OVCH1: variants seen among roughly 807,000 people sequenced by gnomAD.
The protein encoded by OVCH1 is ovochymase-1.
OVCH1 carries 139 observed loss-of-function variants against 138.4 expected under a neutral mutation model. That is an observed-to-expected ratio of 1.00 (90% CI 0.87 to 1.16). The LOEUF (loss-of-function observed/expected upper bound fraction) is 1.16, where lower values mean the gene tolerates loss of function less well. Ranked by LOEUF, OVCH1 falls within the 50% of genes most tolerant of loss-of-function variation. OVCH1 has a pLI of 0.00. For missense variants in OVCH1, 1,367 were observed against 1,357.9 expected (o/e 1.01, Z -0.11); for synonymous variants, 453 against 467.8 (o/e 0.97, Z 0.41).
At chr12:29,487,927 G>A in intron 6 of OVCH1, 45 bp from the exon 7 acceptor site, 1 of 1,522,956 alleles carries the variant, frequency 6.6e-7, no homozygotes, top group Non-Finnish European at 8.9e-7. Flanking sequence ...TAGCCACAGT[G>A]TAAAATATTT....
chr12:29,427,490 G>A, downstream of OVCH1: 2 of 1,531,864 alleles, frequency 1.3e-6, no homozygotes, highest in Admixed American at 2.0e-5. Flanking sequence ...TTGAATGATT[G>A]AGGACGTGAA....
chr12:29,410,110 A>G (rs1377278533), downstream of OVCH1, among the ~76,000 whole-genome samples: 1 of 151,452 alleles, frequency 6.6e-6, no homozygotes, highest in Admixed American at 6.6e-5. Flanking sequence ...AGTCTGTTTT[A>G]TCAGAGACTA....
In OVCH1 at chr12:29,451,696, C is replaced by G. The variant is rs150871147; in HGVS notation, c.2531-127G>C. ...ATTAAGACTTTGTTACTGTCAGTTACAAATTATTCTGTTAGAAAACCATTC... is the reference window on the plus strand; with the variant it reads ...ATTAAGACTTTGTTACTGTCAGTTAGAAATTATTCTGTTAGAAAACCATTC... On this transcript the variant is annotated intron_variant, in intron 21 of 27. Coordinates refer to ENST00000318184, the Ensembl canonical transcript of OVCH1. 1.5e-3 allele frequency: 1,032 copies of G among 669,512 alleles called. 4 individuals are homozygous for G. The highest frequency in any genetic ancestry group is 9.3e-3 in the African/African-American group (511 of 54,998). 41.5% of individuals were successfully genotyped at this position (669,512 alleles called of 1,614,324 possible).
chr12:29,402,637 G>A, the OVCH1 span, among the ~76,000 whole-genome samples: 1 of 151,804 alleles, frequency 6.6e-6, no homozygotes. Context: ...ATAAGAGATT[G>A]GGGAGAGGGA....
intron 19 of OVCH1, 80 bp from the exon 20 acceptor site, chr12:29,455,485 C>A: frequency 2.1e-6 from 3 of 1,404,854 alleles, no homozygotes; most frequent in South Asian, 1.5e-5. Flanking sequence ...CAAGAATGAC[C>A]AATAATGTAT....
chr12:29,456,341 GA>G (rs1465524569), intron 19 of OVCH1, among the ~76,000 whole-genome samples: 3 of 152,122 alleles, frequency 2.0e-5, no homozygotes, highest in African/African-American at 7.2e-5. Context: ...TTCAAGGAAA[GA>G]CACATGGAAA....
intron 4 of OVCH1, among the ~76,000 whole-genome samples, chr12:29,491,734 AAAT>A (rs1943278352): frequency 6.6e-6 from 1 of 152,226 alleles, no homozygotes; most frequent in African/African-American, 2.4e-5. Context: ...ATGATGCAAA[AAAT>A]AATTTTGTAT....
chr12:29,477,268 C>T (rs781227995), intron 11 of OVCH1, 36 bp from the exon 12 acceptor site: 1 of 1,613,002 alleles, frequency 6.2e-7, no homozygotes, highest in Non-Finnish European at 8.5e-7. Context: ...AGTGAATGGC[C>T]AAAGACATTT....
chr12:29,462,448 A>G (rs538287692), intron 18 of OVCH1, among the ~76,000 whole-genome samples: 12 of 151,688 alleles, frequency 7.9e-5, no homozygotes, highest in African/African-American at 2.9e-4. Context: ...TAATATAAAC[A>G]AAAATCATAA....
chr12:29,453,167 T>C (rs1229722199), intron 21 of OVCH1, among the ~76,000 whole-genome samples: 1 of 152,134 alleles, frequency 6.6e-6, no homozygotes, highest in Non-Finnish European at 1.5e-5. Flanking sequence ...TTGAAATCAA[T>C]AGTTTATAGG....
intron 19 of OVCH1, among the ~76,000 whole-genome samples, chr12:29,457,596 G>T (rs1049488735): frequency 6.6e-6 from 1 of 151,526 alleles, no homozygotes; most frequent in Non-Finnish European, 1.5e-5. Context: ...GTAGAGACAG[G>T]GTTTCACCAT....
chr12:29,475,128 T>C lies in OVCH1; in HGVS notation c.1533A>G (p.Ile511Met), dbSNP rs772249707. The C allele has an allele frequency of 1.3e-6, 2 of 1,568,076 alleles. No individual in the cohort carries two copies. The highest frequency in any genetic ancestry group is 1.4e-5 in the African/African-American group (1 of 73,280). The change falls in exon 14 of 28, where the codon ATA becomes ATG. Residue 511 changes from isoleucine (I) to methionine (M), a missense_variant. Ile to Met is a conservative substitution (Grantham distance 10). Transcript: ENST00000318184. ...GATTTTTACCATCACTTTTAAAGTA[T>C]ATCACCGTCATGTTACTAGAACTGA... is the stretch of plus-strand genomic sequence containing the variant.
intron 22 of OVCH1, among the ~76,000 whole-genome samples, chr12:29,448,327 G>T (rs11614676): frequency 0.02 from 2,979 of 151,530 alleles, 39 homozygotes; most frequent in Middle Eastern, 0.078. Flanking sequence ...CGGCCCGGGG[G>T]TTGGGGACCC....
intron 8 of OVCH1, among the ~76,000 whole-genome samples, chr12:29,483,874 C>T (rs1427030317): frequency 3.3e-5 from 5 of 152,198 alleles, no homozygotes; most frequent in African/African-American, 1.2e-4. Flanking sequence ...TCTCTCCCCA[C>T]ACTTCTAACC....
At chr12:29,476,795 ACACACACACACAG>A (rs1256720435) in intron 12 of OVCH1, among the ~76,000 whole-genome samples, 8 of 71,580 alleles carry the variant, frequency 1.1e-4, no homozygotes, top group Non-Finnish European at 3.1e-4. Flanking sequence ...ACACACACAC[ACACACACACACAG>A]GTTAGTAAAT....
At chr12:29,437,905 A>G (rs1247852461) in intron 26 of OVCH1, among the ~76,000 whole-genome samples, 1 of 152,184 alleles carries the variant, frequency 6.6e-6, no homozygotes, top group Non-Finnish European at 1.5e-5. Context: ...AGTCAAAGGT[A>G]TCTAGGTTCT....
chr12:29,496,298 CA>C lies in OVCH1; in HGVS notation c.184-21del. The C allele has an allele frequency of 6.4e-7, 1 of 1,557,638 alleles. No individual in the cohort carries two copies. The highest frequency in any genetic ancestry group is 1.4e-5 in the African/African-American group (1 of 73,854). Reference sequence around the variant, plus strand: ...GGAGACCTACCCAAGAAGAAAGTTACAAATGCAGCTAATATGTCTCCCCACA... The same window carrying C: ...GGAGACCTACCCAAGAAGAAAGTTACAATGCAGCTAATATGTCTCCCCACA... On this transcript the variant is annotated intron_variant, in intron 2 of 27. Coordinates refer to ENST00000318184, the Ensembl canonical transcript of OVCH1.
chr12:29,481,965 A>T (rs969775014), intron 8 of OVCH1, among the ~76,000 whole-genome samples: 2 of 152,166 alleles, frequency 1.3e-5, no homozygotes, highest in Non-Finnish European at 2.9e-5. Flanking sequence ...TTTTACCTGG[A>T]TGACTGCATC....
At chr12:29,464,600 A>G in exon 18 of OVCH1, 1 of 1,613,684 alleles carries the variant, frequency 6.2e-7, no homozygotes, top group Non-Finnish European at 8.5e-7. Context: ...CTCACCACCG[A>G]GTTGTACTCC....
Sources: allele counts gnomAD v4.1 joint callset (sites outside exome capture counted in the v4.1 genomes callset), GRCh38; gene constraint gnomAD v4.1.1; transcripts MANE v1.5; gene names NCBI Gene and HGNC (gene_info 2026-07-23, HGNC 2026-07-21).